The following KMO variants were observed in gnomAD, a reference collection of about 807,000 sequenced individuals.
The protein encoded by KMO is kynurenine 3-hydroxylase.
In KMO, 24 loss-of-function variants were observed where a neutral mutation model predicts 57.8. The observed-to-expected ratio is 0.42, with a 90% confidence interval of 0.30 to 0.58. KMO has a LOEUF of 0.58. KMO is among the 20% of genes least tolerant of loss of function. The pLI is 0.22. For synonymous variants in KMO, 210 were observed against 193.6 expected (o/e 1.08, Z -0.70); for missense variants, 483 against 588.2 (o/e 0.82, Z 1.85).
At chr1:241,540,213 T>G (rs1282497007) in intron 1 of KMO, among the ~76,000 whole-genome samples, 2 of 152,170 alleles carry the variant, frequency 1.3e-5, no homozygotes, top group Non-Finnish European at 2.9e-5. Context: ...ATTTTCTAAT[T>G]CATTAGAATT....
At position 241,549,257 on chromosome 1, in the gene KMO, GAAA is replaced by G. The variant is rs1558414922; in HGVS notation, c.124+360_124+362del. ...AGAAAGAAAGAAAGAAAGAAAGAAA[GAAA>G]GAAAGAAAGGAAGGAAGAAAGAAAG... On this transcript the variant is annotated intron_variant, in intron 2 of 14. Transcript: ENST00000366559. Among the ~76,000 whole-genome samples the G allele has an allele frequency of 3.4e-3, 319 of 94,052 alleles. 15 individuals carry two copies. Among genetic ancestry groups the G allele is most frequent in the African/African-American group, 0.011 (308 of 26,942 alleles). 61.7% of individuals were successfully genotyped at this position (94,052 alleles called of 152,430 possible).
At chr1:241,552,173 TGTGAGA>T (rs1436168494) in intron 4 of KMO, among the ~76,000 whole-genome samples, 3 of 79,458 alleles carry the variant, frequency 3.8e-5, no homozygotes, top group African/African-American at 9.4e-5. Flanking sequence ...TGTGAGTGTG[TGTGAGA>T]GAGAGAGAGA....
intron 1 of KMO, among the ~76,000 whole-genome samples, chr1:241,533,293 G>C (rs1309924902): frequency 1.3e-5 from 2 of 152,128 alleles, no homozygotes; most frequent in Non-Finnish European, 2.9e-5. Flanking sequence ...ATCACCTTTG[G>C]TCAAATCATT....
At chr1:241,553,992 T>A (rs1661508236) in intron 4 of KMO, among the ~76,000 whole-genome samples, 1 of 152,178 alleles carries the variant, frequency 6.6e-6, no homozygotes. Context: ...ATTTGTTATG[T>A]CCCATAATTT....
At chr1:241,557,539 A>G (rs1003681388) in intron 5 of KMO, among the ~76,000 whole-genome samples, 1 of 152,218 alleles carries the variant, frequency 6.6e-6, no homozygotes, top group African/African-American at 2.4e-5. Context: ...GATTCACCAG[A>G]TACAAGAAAG....
At chr1:241,576,552 AG>A (rs963306352) in intron 10 of KMO, among the ~76,000 whole-genome samples, 1 of 152,104 alleles carries the variant, frequency 6.6e-6, no homozygotes, top group African/African-American at 2.4e-5. Flanking sequence ...CTTGGGTGAC[AG>A]TTATTCTGTT....
chr1:241,563,528 T>C (rs779242739), intron 7 of KMO, among the ~76,000 whole-genome samples: 1 of 76,210 alleles, frequency 1.3e-5, no homozygotes, highest in Non-Finnish European at 3.2e-5. Context: ...TATTCGCTAA[T>C]TTTTTAGTGC....
chr1:241,567,097 A>C (rs1292099347), intron 9 of KMO, among the ~76,000 whole-genome samples: 1 of 152,208 alleles, frequency 6.6e-6, no homozygotes, highest in African/African-American at 2.4e-5. Context: ...TCGTGTCTAT[A>C]AATCATTCAG....
chr1:241,536,555 A>G, intron 1 of KMO: 1 of 979,744 alleles, frequency 1.0e-6, no homozygotes, highest in Non-Finnish European at 1.2e-6. Context: ...GACTGAAGCC[A>G]AGAGCCTTGG....
chr1:241,534,980 C>A (rs539002255), intron 1 of KMO, among the ~76,000 whole-genome samples: 30 of 151,318 alleles, frequency 2.0e-4, no homozygotes, highest in Admixed American at 3.3e-4. Context: ...TTTTTTTTAA[C>A]CTGTTTCTTA....
chr1:241,577,254 T>C lies in KMO; in HGVS notation c.957+8607T>C, dbSNP rs761727080. On this transcript the variant is annotated intron_variant, in intron 10 of 14. Transcript: ENST00000366559. Reference sequence around the variant, plus strand: ...GTATTTCAAAGATTTCATCTTGGTATGGATCCATTGCTGGAAAGCCAGTGT... The same window carrying C: ...GTATTTCAAAGATTTCATCTTGGTACGGATCCATTGCTGGAAAGCCAGTGT... 1.2e-4 allele frequency among the ~76,000 whole-genome samples: 18 copies of C among 152,316 alleles called. No individual in the cohort carries two copies. In the Middle Eastern group the frequency reaches 0.01, roughly 86 times the overall value.
chr1:241,581,659 C>T (rs1246445658), intron 10 of KMO, among the ~76,000 whole-genome samples: 1 of 152,034 alleles, frequency 6.6e-6, no homozygotes, highest in African/African-American at 2.4e-5. Flanking sequence ...AACTAAACAA[C>T]TCTACACTTT....
intron 6 of KMO, 107 bp downstream of exon 6, chr1:241,560,859 A>G (rs771588922): frequency 9.1e-6 from 7 of 767,868 alleles, no homozygotes; most frequent in Non-Finnish European, 1.6e-5. Context: ...AAGATTATTG[A>G]AAGGATCATC....
At chr1:241,586,338 A>G (rs1049066842) in intron 10 of KMO, among the ~76,000 whole-genome samples, 2 of 151,632 alleles carry the variant, frequency 1.3e-5, no homozygotes, top group Non-Finnish European at 2.9e-5. Context: ...AGCTGGGACC[A>G]CAGGCACACA....
rs750764086 is a variant in KMO, at chr1:241,549,660, T to C, written c.125-17T>C. The C allele has an allele frequency of 1.9e-6, 3 of 1,556,710 alleles. No individual in the cohort carries two copies. Among genetic ancestry groups the C allele is most frequent in the Non-Finnish European group, 2.7e-6 (3 of 1,128,644 alleles). On this transcript the variant is annotated splice_polypyrimidine_tract_variant and intron_variant, in intron 2 of 14. Transcript: ENST00000366559. ...TATAAAGTGTGCGTAACATGGAGTC[T>C]GCTTCCAATGTCTCAGATACTCGAG...
At position 241,595,597 on chromosome 1, in the gene KMO, C is replaced by G. The variant is rs1663482867; in HGVS notation, c.*3444C>G. 1 of 152,156 alleles carries G rather than the reference C, an allele frequency of 6.6e-6. No homozygotes were observed. Among genetic ancestry groups the G allele is most frequent in the African/African-American group, 2.4e-5 (1 of 41,444 alleles). The allele number at this position is 152,156 out of a possible 1,614,324, so 9.4% of individuals were successfully genotyped here. ...GCGAAATAAATGTTGAATATATGGA[C>G]TTTCTCAGATTAGGAAATACCAATT... On this transcript the variant is annotated 3_prime_UTR_variant, in exon 15 of 15. Transcript: ENST00000366559.
At chr1:241,560,077 C>T (rs1661780929) in intron 5 of KMO, among the ~76,000 whole-genome samples, 1 of 152,190 alleles carries the variant, frequency 6.6e-6, no homozygotes, top group Admixed American at 6.5e-5. Context: ...TCACTCAATT[C>T]TCTAGAGTGC....
At chr1:241,559,092 C>G (rs2147957879) in intron 5 of KMO, among the ~76,000 whole-genome samples, 1 of 149,772 alleles carries the variant, frequency 6.7e-6, no homozygotes, top group South Asian at 2.1e-4. Context: ...AAGAGTGAAA[C>G]TCTGTCTCAA....
At chr1:241,572,604 T>A (rs961760519) in intron 10 of KMO, among the ~76,000 whole-genome samples, 3 of 152,080 alleles carry the variant, frequency 2.0e-5, no homozygotes, top group Non-Finnish European at 4.4e-5. Flanking sequence ...AAAGAAACTT[T>A]AAAAAATTCC....
Sources: gnomAD v4.1 joint callset for allele counts (sites outside exome capture counted in the v4.1 genomes callset) on GRCh38, gnomAD v4.1.1 for gene constraint, MANE v1.5 for transcripts, NCBI Gene and HGNC (gene_info 2026-07-23, HGNC 2026-07-21) for gene names.